Variants in ZNF532 observed in about 807,000 individuals in gnomAD.
The protein encoded by ZNF532 is zinc finger protein 532.
In ZNF532, 22 loss-of-function variants were observed where a neutral mutation model predicts 89.3. The observed-to-expected ratio is 0.25, with a 90% confidence interval of 0.18 to 0.35. The LOEUF (loss-of-function observed/expected upper bound fraction) is 0.35. Among genes scored for constraint, ZNF532 ranks in the 10% least tolerant of loss-of-function variants. The probability of loss-of-function intolerance (pLI) is 1.00; values close to 1 mark genes in which losing one functional copy is unlikely to be tolerated. For missense variants in ZNF532, 1,132 were observed against 1,643.4 expected (o/e 0.69, Z 5.38); for synonymous variants, 606 against 649.6 (o/e 0.93, Z 1.02).
At chr18:58,883,884 C>T (rs2058095872) in intron 2 of ZNF532, among the ~76,000 whole-genome samples, 1 of 152,128 alleles carries the variant, frequency 6.6e-6, no homozygotes, top group Non-Finnish European at 1.5e-5. Flanking sequence ...GTAGTAAGAA[C>T]AATACTTCAA....
rs372095793 is a variant in ZNF532 at position 58,959,996 on chromosome 18, T to A, written c.3150+6197T>A. Among the ~76,000 whole-genome samples, 4 of 152,304 alleles carry A rather than the reference T, an allele frequency of 2.6e-5. 1 individual carries two copies. The South Asian group carries it at 8.3e-4, about 32-fold the overall frequency. ...CTCTGTCACCCAAACTGGAGTGCAG[T>A]GGCACGATCTTGGCTCACTGCAACC... On this transcript the variant is annotated intron_variant, in intron 7 of 9. Transcript: ENST00000591808.
chr18:58,933,972 A>G (rs2062164209), intron 3 of ZNF532, among the ~76,000 whole-genome samples: 1 of 152,226 alleles, frequency 6.6e-6, no homozygotes, highest in Non-Finnish European at 1.5e-5. Flanking sequence ...TCAGATTTCA[A>G]ATAACTGGTT....
chr18:58,862,989 C>T (rs948250841), upstream of ZNF532: 2 of 152,214 alleles, frequency 1.3e-5, no homozygotes, highest in Non-Finnish European at 2.9e-5. Flanking sequence ...AGGAGAGCCC[C>T]TTCTTCCACC....
intron 6 of ZNF532, among the ~76,000 whole-genome samples, chr18:58,952,056 A>G (rs2064262057): frequency 6.6e-6 from 1 of 152,118 alleles, no homozygotes; most frequent in African/African-American, 2.4e-5. Context: ...TCTGGTGAAA[A>G]ATGATGTTGA....
chr18:58,973,975 C>G (rs1014176315), intron 7 of ZNF532, among the ~76,000 whole-genome samples: 1 of 151,892 alleles, frequency 6.6e-6, no homozygotes, highest in African/African-American at 2.4e-5. Flanking sequence ...CTGCTAAGAG[C>G]GGGGTCGAGG....
At chr18:58,909,536 TGAAAG>T (rs1288540116) in intron 2 of ZNF532, among the ~76,000 whole-genome samples, 7 of 152,034 alleles carry the variant, frequency 4.6e-5, no homozygotes, top group African/African-American at 1.4e-4. Context: ...AAGGGACTCA[TGAAAG>T]GAGAGAAGAG....
chr18:58,912,722 G>A (rs975253590), intron 2 of ZNF532, among the ~76,000 whole-genome samples: 6 of 152,218 alleles, frequency 3.9e-5, no homozygotes, highest in African/African-American at 1.2e-4. Flanking sequence ...CAGATGGCAA[G>A]TAATTAAGAG....
intron 2 of ZNF532, among the ~76,000 whole-genome samples, chr18:58,888,841 TTATATATATA>T (rs1474691279): frequency 2.6e-5 from 1 of 38,830 alleles, no homozygotes; most frequent in African/African-American, 1.4e-4. Flanking sequence ...TATATATAAT[TTATATATATA>T]TAATTTATAT....
intron 2 of ZNF532, among the ~76,000 whole-genome samples, chr18:58,901,376 C>T (rs543275521): frequency 1.9e-4 from 29 of 152,188 alleles, no homozygotes; most frequent in Non-Finnish European, 3.7e-4. Flanking sequence ...TGAGCCACTG[C>T]GCTCGGCCTC....
intron 2 of ZNF532, among the ~76,000 whole-genome samples, chr18:58,869,427 T>G (rs2056777359): frequency 6.6e-6 from 1 of 152,240 alleles, no homozygotes; most frequent in African/African-American, 2.4e-5. Flanking sequence ...TAAAATATCC[T>G]TTATTTCCTG....
intron 2 of ZNF532, among the ~76,000 whole-genome samples, chr18:58,887,315 A>T (rs1391216573): frequency 6.6e-6 from 1 of 152,184 alleles, no homozygotes; most frequent in Non-Finnish European, 1.5e-5. Context: ...TTGCCCTTTA[A>T]ATGTACATTT....
chr18:58,948,285 T>C, intron 6 of ZNF532, 56 bp downstream of exon 6: 2 of 1,532,642 alleles, frequency 1.3e-6, no homozygotes, highest in Non-Finnish European at 1.8e-6. Context: ...TCATTGGTCA[T>C]AAATCAAGGC....
At chr18:58,905,167 T>C (rs1431998007) in intron 2 of ZNF532, among the ~76,000 whole-genome samples, 2 of 152,160 alleles carry the variant, frequency 1.3e-5, no homozygotes, top group Non-Finnish European at 2.9e-5. Context: ...TAATAACCTA[T>C]GGTTTAAAAG....
Position 58,919,190 on chromosome 18 carries a change from A to G in ZNF532, c.903A>G (p.Pro301=), listed in dbSNP as rs1568318308. The part of the protein sequence containing the change: ...VANSRESSPL[P]KEVNDSPRAA... ...ATTCGAGGGAATCCTCCCCGTTACC[A>G]AAAGAAGTAAATGACAGTCCGAGAG... The change falls in exon 3 of 10, where the codon CCA becomes CCG. Residue 301 remains proline (P), a synonymous_variant. Transcript: ENST00000591808. The surrounding 1 kb of genome is among the most constrained non-coding windows in gnomAD (Gnocchi z 6.1). 4 of 1,614,182 alleles carry G rather than the reference A, an allele frequency of 2.5e-6. No individual in the cohort carries two copies. In the South Asian group the frequency reaches 3.3e-5, roughly 13 times the overall value.
At chr18:58,878,269 AC>A (rs1189048734) in intron 2 of ZNF532, among the ~76,000 whole-genome samples, 9 of 122,978 alleles carry the variant, frequency 7.3e-5, no homozygotes, top group African/African-American at 2.8e-4. Flanking sequence ...AACAAAAAAA[AC>A]AAAACGAAAA....
At position 58,920,570 on chromosome 18, in the gene ZNF532, A is replaced by C. The variant is rs3737506; in HGVS notation, c.2283A>C (p.Glu761Asp). Residue 761 changes from glutamate to aspartate, a missense_variant, in exon 3 of 10, where the codon GAA (glutamate) becomes GAC (aspartate). Glu to Asp is a conservative substitution (Grantham distance 45). Coordinates refer to ENST00000591808, the MANE Select transcript of ZNF532 (RefSeq NM_001375912.1). ...GTCTAAAATGTTTGGAGTGTAATGAAGTCTTCCAGGACGAGACATCACTGG... is the reference window on the plus strand; with the variant it reads ...GTCTAAAATGTTTGGAGTGTAATGACGTCTTCCAGGACGAGACATCACTGG... ...RHSLKCLECNEVFQDETSLAT... is the reference protein window; with the variant it reads ...RHSLKCLECNDVFQDETSLAT... The C allele has an allele frequency of 0.056, 89,536 of 1,610,790 alleles. 7,620 individuals carry two copies. Among genetic ancestry groups the C allele is most frequent in the East Asian group, 0.4 (17,973 of 44,774 alleles).
chr18:58,879,080 C>G (rs2057672579), intron 2 of ZNF532, among the ~76,000 whole-genome samples: 1 of 152,196 alleles, frequency 6.6e-6, no homozygotes, highest in South Asian at 2.1e-4. Flanking sequence ...GCAGGTTGTT[C>G]TTGTTCTTAG....
chr18:58,967,820 A>G (rs141984441), intron 7 of ZNF532, among the ~76,000 whole-genome samples: 34 of 152,302 alleles, frequency 2.2e-4, no homozygotes, highest in East Asian at 1.5e-3. Flanking sequence ...TGCACCTTCT[A>G]CCTTGCCGCA....
At chr18:58,964,855 C>T (rs2065764918) in intron 7 of ZNF532, among the ~76,000 whole-genome samples, 1 of 151,596 alleles carries the variant, frequency 6.6e-6, no homozygotes, top group Non-Finnish European at 1.5e-5. Context: ...GATCCTCCAG[C>T]CTTGGCCTCC....
Sources: gnomAD v4.1 joint callset for allele counts (sites outside exome capture counted in the v4.1 genomes callset) on GRCh38, gnomAD v4.1.1 for gene constraint, Gnocchi (gnomAD v3.1) non-coding constraint, MANE v1.5 for transcripts, NCBI Gene and HGNC (gene_info 2026-07-23, HGNC 2026-07-21) for gene names.